SBF1: variants seen among roughly 807,000 people sequenced by gnomAD.
SBF1 encodes the protein SET binding factor 1.
SBF1 carries 65 observed loss-of-function variants against 215.8 expected under a neutral mutation model. The ratio of observed to expected loss-of-function variants is 0.30; its 90% confidence interval spans 0.25 to 0.37. The LOEUF (loss-of-function observed/expected upper bound fraction) is 0.37, where lower values mean the gene tolerates loss of function less well. Among genes scored for constraint, SBF1 ranks in the 10% least tolerant of loss-of-function variants. The pLI is 1.00. For synonymous variants in SBF1, 1,410 were observed against 1,122.8 expected (o/e 1.26, Z -5.11); for missense variants, 2,634 against 2,667.8 (o/e 0.99, Z 0.28).
chr22:50,455,716 C>A, intron 31 of SBF1, 134 bp from the exon 32 acceptor site: 1 of 720,776 alleles, frequency 1.4e-6, no homozygotes, highest in Admixed American at 2.4e-5. Context: ...GCCCTGTATG[C>A]GGGCAGAGCA....
At chr22:50,461,136 C>T (rs753078291) in intron 23 of SBF1, 23 bp downstream of exon 23, 2 of 1,571,830 alleles carry the variant, frequency 1.3e-6, no homozygotes, top group Non-Finnish European at 1.7e-6. Flanking sequence ...GGATGAGAGC[C>T]CCACCCGCGC....
chr22:50,460,773 T>G (rs1350979253), intron 23 of SBF1, 61 bp from the exon 24 acceptor site: 2 of 1,536,564 alleles, frequency 1.3e-6, no homozygotes, highest in African/African-American at 2.7e-5. Flanking sequence ...CCCCCAACTC[T>G]GACACTGCCA....
At chr22:50,449,656 A>C (rs796414804) in intron 36 of SBF1, among the ~76,000 whole-genome samples, 31 of 148,340 alleles carry the variant, frequency 2.1e-4, no homozygotes, top group African/African-American at 6.6e-4. Flanking sequence ...ACACACACAC[A>C]CCCCAAAATG....
rs1240669382 is a variant in SBF1 at position 50,467,940 on chromosome 22, G to A, written c.142-17C>T. 6.2e-7 allele frequency: 1 copy of A among 1,612,960 alleles called. No individual in the cohort carries two copies. ...CTGGCAAAACTGCAGGGAAGGCTCA[G>A]CAGTCAGCTCCTCCCCCTACACCTG... On this transcript the variant is annotated splice_polypyrimidine_tract_variant and intron_variant, in intron 2 of 40. Coordinates refer to ENST00000380817, the MANE Select transcript of SBF1 (RefSeq NM_002972.4).
chr22:50,452,835 C>T (rs1194286006), intron 36 of SBF1, among the ~76,000 whole-genome samples: 1 of 151,390 alleles, frequency 6.6e-6, no homozygotes, highest in Non-Finnish European at 1.5e-5. Flanking sequence ...CACACACTGC[C>T]GTAAGGCTCT....
Position 50,447,143 on chromosome 22 carries a change from C to A in SBF1, c.5681G>T (p.Ter1894LeuextTer17). The change falls in exon 41 of 41, where the codon TGA becomes TTA. Residue 1894 changes from the stop codon to leucine, a stop_lost. Coordinates refer to ENST00000380817, the MANE Select transcript of SBF1 (RefSeq NM_002972.4). ...DRIQSCLSDA[*>L] ...AGCAGCCGGGCAGGGCTGGGAGGCT[C>A]AGGCGTCCGACAGGCAGCTCTGGAT... 1 of 1,611,356 alleles carries A rather than the reference C, an allele frequency of 6.2e-7. No individual in the cohort carries two copies. The highest frequency in any genetic ancestry group is 1.1e-5 in the South Asian group (1 of 90,866).
chr22:50,448,352 C>G lies in SBF1; in HGVS notation c.5244G>C (p.Leu1748=), dbSNP rs1429456365. The part of the protein sequence containing the change: ...YLQEGPVGST[L]SLSLDSDQSS... ...TCTGGTCGCTGTCCAGGCTGAGGCTCAGGGTGGAGCCCACGGGCCCCTCCT... is the reference window on the plus strand; with the variant it reads ...TCTGGTCGCTGTCCAGGCTGAGGCTGAGGGTGGAGCCCACGGGCCCCTCCT... The change falls in exon 38 of 41, where the codon CTG becomes CTC. Residue 1748 remains leucine, a synonymous_variant. Coordinates refer to ENST00000380817, the MANE Select transcript of SBF1 (RefSeq NM_002972.4). 1 of 1,613,874 alleles carries G rather than the reference C, an allele frequency of 6.2e-7. No individual in the cohort carries two copies. Among genetic ancestry groups the G allele is most frequent in the Admixed American group, 1.7e-5 (1 of 60,028 alleles).
chr22:50,447,582 C>T lies in SBF1; in HGVS notation c.5391G>A (p.Lys1797=). 1.2e-6 allele frequency: 2 copies of T among 1,612,644 alleles called. No individual in the cohort carries two copies. The highest frequency in any genetic ancestry group is 1.1e-5 in the South Asian group (1 of 90,998). Residue 1797 remains lysine (K), a synonymous_variant, in exon 39 of 41, where the codon AAG becomes AAA. Coordinates refer to ENST00000380817, the MANE Select transcript of SBF1 (RefSeq NM_002972.4). Reference sequence around the variant, plus strand: ...CCTTCCAAGGCTTCATGAAGGCCCCCTTCTTGTACAGAGTGCCCTCGTAGG... The same window carrying T: ...CCTTCCAAGGCTTCATGAAGGCCCCTTTCTTGTACAGAGTGCCCTCGTAGG... The part of the protein sequence containing the change: ...NRSYEGTLYK[K]GAFMKPWKAR...
At chr22:50,468,291 G>A (rs982073397) in intron 2 of SBF1, 85 bp downstream of exon 2, 9 of 1,289,906 alleles carry the variant, frequency 7.0e-6, no homozygotes, top group African/African-American at 3.0e-5. Context: ...GCACTGTGGA[G>A]GCCCCTCAGT....
At chr22:50,457,561 C>G (rs2067304923) in intron 28 of SBF1, among the ~76,000 whole-genome samples, 1 of 152,218 alleles carries the variant, frequency 6.6e-6, no homozygotes, top group South Asian at 2.1e-4. Flanking sequence ...GAGGTGTGGC[C>G]TGGAGAAGAG....
chr22:50,459,918 T>G (rs1319045394), intron 26 of SBF1, 34 bp downstream of exon 26: 2 of 1,608,542 alleles, frequency 1.2e-6, no homozygotes, highest in Admixed American at 3.3e-5. Context: ...CAGTCACGTG[T>G]CCACCACCCG....
In SBF1 at chr22:50,448,640, C is replaced by T. The variant is rs1420014972; in HGVS notation, c.5054G>A (p.Arg1685Lys). ...GGGTTGGCCCAACTCTGTCTCCAGC[C>T]TCTGCAGCTCCTGGGGGAAGAATTA... Reference protein sequence around the residue: ...AISRLLEELQRLETELGQPAE... With the variant: ...AISRLLEELQKLETELGQPAE... The change falls in exon 37 of 41, where the codon AGG becomes AAG. Residue 1685 changes from arginine to lysine, a missense_variant. Arg to Lys is a conservative substitution (Grantham distance 26). Transcript: ENST00000380817. 1 of 1,610,516 alleles carries T rather than the reference C, an allele frequency of 6.2e-7. No homozygotes were observed. The highest frequency in any genetic ancestry group is 8.5e-7 in the Non-Finnish European group (1 of 1,179,592).
chr22:50,467,375 AGGTTCC>A lies in SBF1; in HGVS notation c.506_511del (p.Gly169_Leu171delinsVal). The A allele has an allele frequency of 6.2e-7, 1 of 1,614,164 alleles. No individual in the cohort carries two copies. Among genetic ancestry groups the A allele is most frequent in the Non-Finnish European group, 8.5e-7 (1 of 1,180,024 alleles). The stretch of plus-strand genomic sequence containing the variant: ...AGCCAGGGGCACAGTGCACGTCAGC[AGGTTCC>A]CAATCACGTTCTCCAGGCACACATT... On this transcript the variant is annotated inframe_deletion, in exon 5 of 41. Coordinates refer to ENST00000380817, the MANE Select transcript of SBF1 (RefSeq NM_002972.4).
At position 50,465,746 on chromosome 22, in the gene SBF1, G is replaced by A. The variant is rs751481216; in HGVS notation, c.1089+17C>T. 1.3e-5 allele frequency: 20 copies of A among 1,584,314 alleles called. No homozygotes were observed. The highest frequency in any genetic ancestry group is 1.5e-5 in the Non-Finnish European group (18 of 1,166,254). On this transcript the variant is annotated intron_variant, in intron 10 of 40. Transcript: ENST00000380817. ...AAGTGCCTGGGGTCCCCATGCAGGA[G>A]CAGCAACGACCCCCACCTGCATCTT...
At position 50,459,285 on chromosome 22, in the gene SBF1, C is replaced by T. The variant is rs201774449; in HGVS notation, c.3796G>A (p.Gly1266Ser). Reference protein sequence around the residue: ...ADASGRNTLSGFSSAHMGSHV... With the variant: ...ADASGRNTLSSFSSAHMGSHV... ...CTGCCCATGTGGGCTGAGGAGAAGC[C>T]GCTAAGCGTGTTGCGTCCCGACGCG... The change falls in exon 28 of 41, where the codon GGC becomes AGC. Residue 1266 changes from glycine to serine, a missense_variant. Physicochemically the swap from Gly to Ser is moderately conservative, Grantham distance 56. Coordinates refer to ENST00000380817, the MANE Select transcript of SBF1 (RefSeq NM_002972.4). 17 of 1,609,846 alleles carry T rather than the reference C, an allele frequency of 1.1e-5. No homozygotes were observed. The highest frequency in any genetic ancestry group is 1.7e-5 in the Admixed American group (1 of 59,904).
intron 1 of SBF1, among the ~76,000 whole-genome samples, chr22:50,472,572 T>C (rs998997877): frequency 6.6e-6 from 1 of 152,172 alleles, no homozygotes; most frequent in Non-Finnish European, 1.5e-5. Flanking sequence ...TTCACACCTG[T>C]GCATTCGCTG....
chr22:50,458,715 G>A (rs558873712), intron 28 of SBF1, among the ~76,000 whole-genome samples: 4 of 152,346 alleles, frequency 2.6e-5, no homozygotes, highest in South Asian at 2.1e-4. Flanking sequence ...TGAAGTGTGC[G>A]TGGCGGTGGG....
chr22:50,448,088 T>C, intron 38 of SBF1, 145 bp downstream of exon 38: 1 of 733,534 alleles, frequency 1.4e-6, no homozygotes, highest in African/African-American at 1.8e-5. Context: ...TGGTCACCAG[T>C]TCGACACCCC....
At position 50,474,994 on chromosome 22, in the gene SBF1, C is replaced by CGG; in HGVS notation, c.-155_-154insCC. On this transcript the variant is annotated 5_prime_UTR_variant, in exon 1 of 41. It removes the in-frame stop codon of an upstream open reading frame in the 5' UTR. Transcript: ENST00000380817. ...GCGGCGGCGGCGGCGGCGGCGGCGGCCCAGGTTCCCGCCGCCATCTTCCCA... is the reference window on the plus strand; with the variant it reads ...GCGGCGGCGGCGGCGGCGGCGGCGGCGGCCAGGTTCCCGCCGCCATCTTCCCA... The CGG allele has an allele frequency of 3.7e-6, 1 of 271,226 alleles. No individual in the cohort carries two copies. Among genetic ancestry groups the CGG allele is most frequent in the Non-Finnish European group, 5.7e-6 (1 of 174,906 alleles). The allele number at this position is 271,226 out of a possible 1,614,324, so 16.8% of individuals were successfully genotyped here.
Sources: gnomAD v4.1 joint callset for allele counts (sites outside exome capture counted in the v4.1 genomes callset) on GRCh38, gnomAD v4.1.1 for gene constraint, MANE v1.5 for transcripts, NCBI Gene and HGNC (gene_info 2026-07-23, HGNC 2026-07-21) for gene names.